QTMAN: variants seen among roughly 807,000 people sequenced by gnomAD.
QTMAN encodes queuosine-tRNA mannosyltransferase.
At chr2:144,191,791 A>G in the QTMAN span, among the ~76,000 whole-genome samples, 2 of 152,202 alleles carry the variant, frequency 1.3e-5, no homozygotes, top group South Asian at 4.1e-4. Context: ...AAATAACCCT[A>G]AAGTATACTT....
the QTMAN span, among the ~76,000 whole-genome samples, chr2:144,050,313 C>T: frequency 4.0e-5 from 6 of 150,266 alleles, no homozygotes; most frequent in South Asian, 6.3e-4. Context: ...GCGGCAGGAA[C>T]GGTGAAAAAA....
At chr2:144,167,441 C>T in the QTMAN span, among the ~76,000 whole-genome samples, 1 of 152,118 alleles carries the variant, frequency 6.6e-6, no homozygotes, top group African/African-American at 2.4e-5. Flanking sequence ...GGTTTGGCTC[C>T]CTGTCCCCAC....
chr2:144,111,027 G>A, the QTMAN span, among the ~76,000 whole-genome samples: 8 of 152,088 alleles, frequency 5.3e-5, no homozygotes, highest in African/African-American at 1.9e-4. Flanking sequence ...TATAGGAAAA[G>A]TGCAAAAAAT....
the QTMAN span, among the ~76,000 whole-genome samples, chr2:144,100,079 G>A: frequency 6.6e-6 from 1 of 152,162 alleles, no homozygotes; most frequent in East Asian, 1.9e-4. Context: ...ATGCAAAAAG[G>A]CTTGTTGCTG....
At chr2:144,166,821 CAT>C in the QTMAN span, among the ~76,000 whole-genome samples, 1 of 152,180 alleles carries the variant, frequency 6.6e-6, no homozygotes, top group Non-Finnish European at 1.5e-5. Context: ...CTAGTTCCCA[CAT>C]ATCTGAACCA....
the QTMAN span, chr2:144,177,160 G>GC: frequency 1.4e-6 from 1 of 702,130 alleles, no homozygotes; most frequent in Non-Finnish European, 2.6e-6. Flanking sequence ...TTATAATTCT[G>GC]CATGAGATTT....
chr2:144,278,055 T>C, the QTMAN span, among the ~76,000 whole-genome samples: 1 of 152,166 alleles, frequency 6.6e-6, no homozygotes, highest in South Asian at 2.1e-4. Context: ...GAGGTAATGA[T>C]TCTTCTGGGG....
At chr2:144,052,811 C>T in the QTMAN span, among the ~76,000 whole-genome samples, 3 of 152,282 alleles carry the variant, frequency 2.0e-5, no homozygotes, top group South Asian at 6.2e-4. Context: ...GCCACCACAC[C>T]CGACTAATTT....
At chr2:144,292,519 G>T in the QTMAN span, among the ~76,000 whole-genome samples, 1 of 151,850 alleles carries the variant, frequency 6.6e-6, no homozygotes, top group Non-Finnish European at 1.5e-5. Flanking sequence ...TCTTATTAGG[G>T]CTAGGACTAT....
At chr2:144,055,532 C>T in the QTMAN span, among the ~76,000 whole-genome samples, 5 of 151,884 alleles carry the variant, frequency 3.3e-5, no homozygotes, top group South Asian at 1.0e-3. Context: ...GTTCTTATCT[C>T]AGGATTTGTG....
the QTMAN span, chr2:144,141,731 T>G: frequency 3.7e-6 from 2 of 544,986 alleles, no homozygotes; most frequent in South Asian, 3.3e-5. Context: ...TTTAAAATCT[T>G]TGTAAATCAC....
chr2:144,251,151 A>G, the QTMAN span, among the ~76,000 whole-genome samples: 4 of 152,134 alleles, frequency 2.6e-5, no homozygotes, highest in South Asian at 8.3e-4. Context: ...CGCTGCATAC[A>G]AATTTTGCTA....
chr2:144,307,545 T>C, the QTMAN span, among the ~76,000 whole-genome samples: 3 of 152,202 alleles, frequency 2.0e-5, no homozygotes, highest in Admixed American at 1.3e-4. Context: ...TAATATTGGA[T>C]AGGAGTAACT....
the QTMAN span, among the ~76,000 whole-genome samples, chr2:143,986,084 G>A: frequency 6.6e-6 from 1 of 152,072 alleles, no homozygotes; most frequent in Non-Finnish European, 1.5e-5. Context: ...GGTTTTAAGG[G>A]GTCTCCTCTT....
chr2:144,098,579 G>A, the QTMAN span, among the ~76,000 whole-genome samples: 1 of 151,894 alleles, frequency 6.6e-6, no homozygotes, highest in Admixed American at 6.6e-5. Flanking sequence ...GCCAGATGTG[G>A]CGGCATGCAC....
the QTMAN span, chr2:143,970,596 C>T: frequency 2.1e-5 from 19 of 889,146 alleles, no homozygotes; most frequent in African/African-American, 1.2e-4. Context: ...TTAATACTTA[C>T]GTTGTAGAGC....
At chr2:144,209,503 G>C in the QTMAN span, among the ~76,000 whole-genome samples, 1 of 152,190 alleles carries the variant, frequency 6.6e-6, no homozygotes. Flanking sequence ...ATGTGGTAAA[G>C]TTGTATGTGT....
the QTMAN span, among the ~76,000 whole-genome samples, chr2:144,264,360 C>T: frequency 2.0e-5 from 3 of 152,114 alleles, no homozygotes; most frequent in Non-Finnish European, 2.9e-5. Context: ...AATCCTTCAC[C>T]ATCTGGTTCC....
the QTMAN span, among the ~76,000 whole-genome samples, chr2:143,992,017 C>T: frequency 6.6e-6 from 1 of 152,222 alleles, no homozygotes; most frequent in South Asian, 2.1e-4. Flanking sequence ...CCAGCCACCA[C>T]CCCGTCTGGA....
Sources: gnomAD v4.1 joint callset for allele counts (sites outside exome capture counted in the v4.1 genomes callset) on GRCh38, gnomAD v4.1.1 for gene constraint, MANE v1.5 for transcripts, NCBI Gene and HGNC (gene_info 2026-07-23, HGNC 2026-07-21) for gene names.